DGKI: variants seen among roughly 807,000 people sequenced by gnomAD.
DGKI encodes the protein diacylglycerol kinase iota.
A neutral mutation model predicts 147.5 loss-of-function variants in DGKI; 55 were observed. That is an observed-to-expected ratio of 0.37 (90% CI 0.30 to 0.47). DGKI has a LOEUF of 0.47. Ranked by LOEUF, DGKI falls within the 20% of genes least tolerant of loss-of-function variation. The pLI is 1.00. For synonymous variants in DGKI, 469 were observed against 477.1 expected (o/e 0.98, Z 0.22); for missense variants, 1,007 against 1,323.8 (o/e 0.76, Z 3.71).
At chr7:137,407,509 A>G (rs961602254) in intron 30 of DGKI, among the ~76,000 whole-genome samples, 3 of 152,218 alleles carry the variant, frequency 2.0e-5, no homozygotes, top group African/African-American at 7.2e-5. Flanking sequence ...CCGCAAATAC[A>G]GGTGAGGTAG....
At chr7:137,628,400 G>A (rs558607731) in intron 6 of DGKI, among the ~76,000 whole-genome samples, 203 of 152,200 alleles carry the variant, frequency 1.3e-3, no homozygotes, top group Non-Finnish European at 2.3e-3. Context: ...CCATAGCTTC[G>A]GGCTTATCAT....
At chr7:137,610,723 T>A (rs894421329) in intron 8 of DGKI, among the ~76,000 whole-genome samples, 3 of 152,270 alleles carry the variant, frequency 2.0e-5, no homozygotes, top group African/African-American at 7.2e-5. Flanking sequence ...CTTTTTAATG[T>A]ATTCTTTTTT....
intron 1 of DGKI, among the ~76,000 whole-genome samples, chr7:137,840,327 A>G (rs1346955752): frequency 6.6e-6 from 1 of 152,226 alleles, no homozygotes; most frequent in East Asian, 1.9e-4. Flanking sequence ...GTGAAGTAAT[A>G]TAGAACAGAG....
intron 1 of DGKI, among the ~76,000 whole-genome samples, chr7:137,728,746 C>T (rs73152520): frequency 0.027 from 4,080 of 152,220 alleles, 220 homozygotes; most frequent in East Asian, 0.16. Context: ...GCCAATCAAC[C>T]TCTTTGTTCA....
intron 7 of DGKI, among the ~76,000 whole-genome samples, chr7:137,620,912 T>C (rs1316647903): frequency 6.6e-6 from 1 of 152,252 alleles, no homozygotes; most frequent in African/African-American, 2.4e-5. Context: ...TCTTCTTAGA[T>C]TATACTTCAC....
At chr7:137,720,577 A>G (rs1280259750) in intron 1 of DGKI, among the ~76,000 whole-genome samples, 1 of 152,114 alleles carries the variant, frequency 6.6e-6, no homozygotes, top group East Asian at 1.9e-4. Context: ...TTGAGTCCTT[A>G]TAATAATTTG....
intron 31 of DGKI, 117 bp from the exon 32 acceptor site, chr7:137,395,814 T>C: frequency 1.2e-6 from 1 of 860,080 alleles, no homozygotes; most frequent in Non-Finnish European, 1.8e-6. Flanking sequence ...CTGCTGAGAC[T>C]TTGGCTGTAG....
intron 23 of DGKI, 72 bp from the exon 24 acceptor site, chr7:137,469,691 G>T: frequency 4.9e-6 from 7 of 1,431,138 alleles, no homozygotes; most frequent in Non-Finnish European, 6.9e-6. Flanking sequence ...TCAGCATTCT[G>T]CCATCCTTTC....
chr7:137,823,336 T>G (rs1305936194), intron 1 of DGKI, among the ~76,000 whole-genome samples: 1 of 152,184 alleles, frequency 6.6e-6, no homozygotes, highest in Non-Finnish European at 1.5e-5. Context: ...TGAGGTAAAA[T>G]TATTTCCCAT....
intron 30 of DGKI, among the ~76,000 whole-genome samples, chr7:137,402,084 T>TGTA (rs1562996358): frequency 6.6e-6 from 1 of 152,218 alleles, no homozygotes; most frequent in Non-Finnish European, 1.5e-5. Context: ...GAGAGCTTAC[T>TGTA]GTATAGGGTT....
chr7:137,629,047 C>T (rs1821039285), intron 6 of DGKI, among the ~76,000 whole-genome samples: 1 of 152,104 alleles, frequency 6.6e-6, no homozygotes, highest in African/African-American at 2.4e-5. Flanking sequence ...ACCTCCAAAA[C>T]TTTAAACAAC....
intron 1 of DGKI, among the ~76,000 whole-genome samples, chr7:137,720,352 G>C (rs1794511818): frequency 1.4e-5 from 2 of 146,278 alleles, no homozygotes; most frequent in Non-Finnish European, 1.5e-5. Flanking sequence ...CCACCTCCCG[G>C]GTTCACACCA....
At chr7:137,433,986 G>A (rs1415141706) in intron 28 of DGKI, among the ~76,000 whole-genome samples, 1 of 152,086 alleles carries the variant, frequency 6.6e-6, no homozygotes, top group Non-Finnish European at 1.5e-5. Flanking sequence ...GGCCATGGTA[G>A]CACACACCTG....
intron 28 of DGKI, among the ~76,000 whole-genome samples, chr7:137,437,668 A>T (rs748744063): frequency 1.3e-5 from 2 of 152,166 alleles, no homozygotes; most frequent in African/African-American, 4.8e-5. Context: ...GCAAAACTCA[A>T]TTATAACCAA....
chr7:137,451,207 TAAGTTTGTTC>T (rs1813940606), intron 27 of DGKI, among the ~76,000 whole-genome samples: 1 of 152,136 alleles, frequency 6.6e-6, no homozygotes, highest in African/African-American at 2.4e-5. Flanking sequence ...CCCAAGGAAG[TAAGTTTGTTC>T]CTCTGGAACG....
At chr7:137,662,965 T>C (rs1306938654) in intron 3 of DGKI, among the ~76,000 whole-genome samples, 4 of 152,208 alleles carry the variant, frequency 2.6e-5, no homozygotes, top group African/African-American at 7.2e-5. Flanking sequence ...TTACAAAGGA[T>C]ACACCAAAAT....
chr7:137,459,745 A>G (rs564636007), intron 27 of DGKI, among the ~76,000 whole-genome samples: 1 of 152,170 alleles, frequency 6.6e-6, no homozygotes, highest in East Asian at 1.9e-4. Flanking sequence ...AAGTGCTAGG[A>G]TTACAGGCGT....
intron 5 of DGKI, among the ~76,000 whole-genome samples, chr7:137,646,257 T>C (rs1426775284): frequency 6.6e-6 from 1 of 152,050 alleles, no homozygotes. Flanking sequence ...ATACAAGACA[T>C]AGACGTGAGA....
intron 1 of DGKI, among the ~76,000 whole-genome samples, chr7:137,845,831 G>A (rs2117125999): frequency 6.6e-6 from 1 of 152,224 alleles, no homozygotes; most frequent in Admixed American, 6.5e-5. Context: ...AGAGAGGCAA[G>A]GAGCACGCAG....
Sources: allele counts gnomAD v4.1 joint callset (sites outside exome capture counted in the v4.1 genomes callset), GRCh38; gene constraint gnomAD v4.1.1; transcripts MANE v1.5; gene names NCBI Gene and HGNC (gene_info 2026-07-23, HGNC 2026-07-21).